Variants in HOXB3 observed in about 807,000 individuals in gnomAD.
HOXB3 encodes the protein homeobox B3.
A neutral mutation model predicts 29.2 loss-of-function variants in HOXB3; 17 were observed. The ratio of observed to expected loss-of-function variants is 0.58; its 90% CI spans 0.40 to 0.87. The LOEUF is 0.87. HOXB3 is among the 40% of genes least tolerant of loss of function. The probability of loss-of-function intolerance (pLI) is 0.00; values close to 1 mark genes in which losing one functional copy is unlikely to be tolerated. For synonymous variants in HOXB3, 317 were observed against 285.9 expected (o/e 1.11, Z -1.10); for missense variants, 637 against 616.3 (o/e 1.03, Z -0.35).
At chr17:48,582,781 T>G (rs1012195702) in intron 1 of HOXB3, among the ~76,000 whole-genome samples, 2 of 152,192 alleles carry the variant, frequency 1.3e-5, no homozygotes, top group African/African-American at 4.8e-5. Context: ...CCGAAAAAAG[T>G]CCCATTCGGA....
intron 1 of HOXB3, among the ~76,000 whole-genome samples, chr17:48,587,551 C>G (rs2070070857): frequency 6.6e-6 from 1 of 152,178 alleles, no homozygotes; most frequent in South Asian, 2.1e-4. Context: ...AATCCTTGGC[C>G]TGCAATTCCC....
At chr17:48,582,832 A>G (rs1003546125) in intron 1 of HOXB3, among the ~76,000 whole-genome samples, 1 of 152,178 alleles carries the variant, frequency 6.6e-6, no homozygotes, top group Non-Finnish European at 1.5e-5. Context: ...ATTTTCCATC[A>G]TTCCCATATT....
At chr17:48,569,312 C>T (rs2069504794) in intron 2 of HOXB3, among the ~76,000 whole-genome samples, 1 of 152,068 alleles carries the variant, frequency 6.6e-6, no homozygotes, top group Admixed American at 6.5e-5. Context: ...AGTTCCCCCT[C>T]AACCCACCAA....
chr17:48,567,989 C>T (rs2069445085), intron 2 of HOXB3, among the ~76,000 whole-genome samples: 1 of 152,176 alleles, frequency 6.6e-6, no homozygotes, highest in South Asian at 2.1e-4. Context: ...TTGACCACCC[C>T]CCAGACACAT....
At chr17:48,586,706 C>T (rs1021930159) in intron 1 of HOXB3, among the ~76,000 whole-genome samples, 10 of 152,136 alleles carry the variant, frequency 6.6e-5, no homozygotes, top group Non-Finnish European at 2.9e-5. Context: ...TTTCATTTAA[C>T]TCTCTTAATT....
chr17:48,566,366 G>A (rs889944348), intron 2 of HOXB3, among the ~76,000 whole-genome samples: 3 of 151,888 alleles, frequency 2.0e-5, no homozygotes, highest in Non-Finnish European at 2.9e-5. Context: ...GAGTCTGTGC[G>A]TGTTGGGGAA....
In HOXB3 at chr17:48,557,682, G is replaced by A. The variant is rs769310264; in HGVS notation, c.-246-2064C>T. Reference sequence around the variant, plus strand: ...CACCTAGAAAGTTGACAGCTGGGGGGAAGCACGGGTTGGGGGACATGGGGA... The same window carrying A: ...CACCTAGAAAGTTGACAGCTGGGGGAAAGCACGGGTTGGGGGACATGGGGA... On this transcript the variant is annotated intron_variant, in intron 2 of 4. Transcript: ENST00000498678. Among the ~76,000 whole-genome samples the A allele has an allele frequency of 2.6e-4, 40 of 152,292 alleles. 1 individual carries two copies. In the Middle Eastern group the frequency reaches 0.017, roughly 65 times the overall value.
Position 48,554,720 on chromosome 17 carries a change from G to T in HOXB3, c.-159+811C>A, listed in dbSNP as rs1027723040. 1 of 702,386 alleles carries T rather than the reference G, an allele frequency of 1.4e-6. No homozygotes were observed. The highest frequency in any genetic ancestry group is 2.0e-5 in the Admixed American group (1 of 50,016). The allele number at this position is 702,386 out of a possible 1,614,324, so 43.5% of individuals were successfully genotyped here. On this transcript the variant is annotated intron_variant, in intron 3 of 4. Transcript: ENST00000498678. The surrounding 1 kb of genome is among the most constrained non-coding windows in gnomAD (Gnocchi z 4.1). Reference sequence around the variant, plus strand: ...GTTCCCAGCACACCAGCCGGCCGAGGGCCGAGCCCCGCGGGCGGCAGCAAG... The same window carrying T: ...GTTCCCAGCACACCAGCCGGCCGAGTGCCGAGCCCCGCGGGCGGCAGCAAG...
chr17:48,578,564 A>G, intron 1 of HOXB3: 1 of 323,586 alleles, frequency 3.1e-6, no homozygotes, highest in Non-Finnish European at 5.1e-6. Flanking sequence ...CACCCACCCA[A>G]CACCAGGATT....
At chr17:48,581,138 TCTG>T (rs1244862258) in intron 1 of HOXB3, 1 of 152,230 alleles carries the variant, frequency 6.6e-6, no homozygotes, top group African/African-American at 2.4e-5. Flanking sequence ...TCCAGAGATC[TCTG>T]CCTATGCCCA....
rs754243329 is a variant in HOXB3, at chr17:48,552,358, G to A, written c.117C>T (p.Ala39=). The A allele has an allele frequency of 8.9e-5, 144 of 1,613,934 alleles. No homozygotes were observed. In the Middle Eastern group the frequency reaches 2.5e-3, roughly 28 times the overall value. ...GGTAGTCGCCCTCCAGGTGCGTGGC[G>A]GCCTGAAATGGGGGTTGGGGGGGGA... The part of the protein sequence containing the change: ...FDVPPQPPFQ[A]ATHLEGDYQR... The change falls in exon 4 of 5, where the codon GCC becomes GCT. Residue 39 remains alanine (A), a synonymous_variant. Transcript: ENST00000498678.
chr17:48,552,872 T>G, intron 3 of HOXB3: 1 of 177,064 alleles, frequency 5.6e-6, no homozygotes, highest in Non-Finnish European at 1.2e-5. Context: ...GCAAAGGCCA[T>G]TGCTTCTCTC....
chr17:48,564,502 G>C (rs937508472), intron 2 of HOXB3, among the ~76,000 whole-genome samples: 2 of 152,182 alleles, frequency 1.3e-5, no homozygotes, highest in Non-Finnish European at 2.9e-5. Flanking sequence ...CTCCGGGCGC[G>C]GCAGACGCCA....
At chr17:48,577,199 G>A (rs1478916393) in intron 1 of HOXB3, among the ~76,000 whole-genome samples, 3 of 152,158 alleles carry the variant, frequency 2.0e-5, no homozygotes, top group Non-Finnish European at 4.4e-5. Flanking sequence ...ATGAGAAAGA[G>A]ACCTCCAAGT....
At chr17:48,572,570 T>G (rs990714982) in intron 2 of HOXB3, among the ~76,000 whole-genome samples, 2 of 152,168 alleles carry the variant, frequency 1.3e-5, no homozygotes, top group African/African-American at 4.8e-5. Context: ...AGTAAAGAGA[T>G]GAACTGGACC....
chr17:48,555,662 GC>G (rs753472697), intron 2 of HOXB3, 44 bp from the exon 3 acceptor site: 6 of 694,592 alleles, frequency 8.6e-6, no homozygotes, highest in Admixed American at 2.0e-5. Context: ...AAGCTGCGTC[GC>G]CCCCCGCCCC....
intron 1 of HOXB3, chr17:48,574,495 C>G (rs948505396): frequency 2.6e-5 from 4 of 152,222 alleles, no homozygotes; most frequent in Middle Eastern, 3.2e-3. Context: ...AAATAAATAA[C>G]AATAAAACGC....
At chr17:48,551,241 C>G (rs2068727809) in intron 4 of HOXB3, 60 bp from the exon 5 acceptor site, 2 of 1,263,222 alleles carry the variant, frequency 1.6e-6, no homozygotes, top group Non-Finnish European at 2.0e-6. Flanking sequence ...AATTACTGAA[C>G]ACGCCGAAAT....
chr17:48,565,703 C>A (rs1220511426), intron 2 of HOXB3, among the ~76,000 whole-genome samples: 1 of 152,234 alleles, frequency 6.6e-6, no homozygotes, highest in East Asian at 1.9e-4. Context: ...CAGAGAAATT[C>A]TCTTCTAGAG....
Sources: allele counts gnomAD v4.1 joint callset (sites outside exome capture counted in the v4.1 genomes callset), GRCh38; gene constraint gnomAD v4.1.1; non-coding constraint Gnocchi (gnomAD v3.1); transcripts MANE v1.5; gene names NCBI Gene and HGNC (gene_info 2026-07-23, HGNC 2026-07-21).